Variants in DPP10 observed in about 807,000 individuals in gnomAD.
DPP10 encodes dipeptidyl peptidase like 10, also known as inactive dipeptidyl peptidase 10.
A neutral mutation model predicts 120.9 loss-of-function variants in DPP10; 33 were observed. The observed-to-expected ratio is 0.27, with a 90% CI of 0.21 to 0.37. DPP10 has a LOEUF of 0.37. Ranked by LOEUF, DPP10 falls within the 10% of genes least tolerant of loss-of-function variation. DPP10 has a pLI of 1.00. For missense variants in DPP10, 816 were observed against 942.8 expected (o/e 0.87, Z 1.76); for synonymous variants, 337 against 326.1 (o/e 1.03, Z -0.36).
At chr2:115,365,383 T>G (rs1487048707) in intron 3 of DPP10, among the ~76,000 whole-genome samples, 2 of 151,974 alleles carry the variant, frequency 1.3e-5, no homozygotes, top group African/African-American at 4.8e-5. Context: ...TTAGGTGGGC[T>G]TCTTAGAGCC....
At chr2:114,656,133 C>T (rs780883608) in intron 1 of DPP10, among the ~76,000 whole-genome samples, 1 of 152,050 alleles carries the variant, frequency 6.6e-6, no homozygotes, top group African/African-American at 2.4e-5. Flanking sequence ...TAATTTTTAG[C>T]AATTATTCTT....
intron 3 of DPP10, among the ~76,000 whole-genome samples, chr2:115,397,613 A>G (rs929711356): frequency 2.6e-5 from 4 of 152,208 alleles, no homozygotes; most frequent in Non-Finnish European, 5.9e-5. Context: ...CTTACTAAAT[A>G]CAAGTTGTAC....
intron 4 of DPP10, among the ~76,000 whole-genome samples, chr2:115,507,017 TACACACACACGCACGCGCACACACAC>T (rs1437256577): frequency 6.9e-6 from 1 of 144,506 alleles, no homozygotes; most frequent in Admixed American, 7.1e-5. Flanking sequence ...TTGGCTGCAT[TACACACACACGCACGCGCACACACAC>T]ACACACACAC....
intron 1 of DPP10, among the ~76,000 whole-genome samples, chr2:115,225,654 GAATA>G (rs2057399434): frequency 6.6e-6 from 1 of 151,890 alleles, no homozygotes; most frequent in Admixed American, 6.6e-5. Flanking sequence ...ATACATGAAT[GAATA>G]GAGATGAACA....
chr2:115,523,282 G>A lies in DPP10; in HGVS notation c.367-2616G>A, dbSNP rs186165326. Among the ~76,000 whole-genome samples, 158 of 151,030 alleles carry A rather than the reference G, an allele frequency of 1.0e-3. 1 individual carries two copies. Among genetic ancestry groups the A allele is most frequent in the African/African-American group, 3.5e-3 (145 of 41,098 alleles). On this transcript the variant is annotated intron_variant, in intron 4 of 25. Transcript: ENST00000410059. Reference sequence around the variant, plus strand: ...AGACGTTGTTACCGGAGGCACAGACGCACCTGTGAAAGCGTGAAGTTAATT... The same window carrying A: ...AGACGTTGTTACCGGAGGCACAGACACACCTGTGAAAGCGTGAAGTTAATT...
intron 3 of DPP10, among the ~76,000 whole-genome samples, chr2:115,429,254 C>T (rs888497083): frequency 6.6e-6 from 1 of 151,450 alleles, no homozygotes; most frequent in African/African-American, 2.4e-5. Context: ...AAATTGTATA[C>T]GTGCATCTGC....
chr2:115,592,298 G>A (rs538232181), intron 5 of DPP10, among the ~76,000 whole-genome samples: 1 of 152,284 alleles, frequency 6.6e-6, no homozygotes, highest in African/African-American at 2.4e-5. Context: ...AGAGAGAAAG[G>A]AAGAGGCTTG....
At chr2:115,293,543 C>CT (rs1238695637) in intron 1 of DPP10, among the ~76,000 whole-genome samples, 2 of 152,014 alleles carry the variant, frequency 1.3e-5, no homozygotes, top group Non-Finnish European at 2.9e-5. Flanking sequence ...GCAGTGCTTT[C>CT]TTTTTTTCAC....
chr2:115,397,688 A>G (rs1248067166), intron 3 of DPP10, among the ~76,000 whole-genome samples: 1 of 152,142 alleles, frequency 6.6e-6, no homozygotes, highest in Non-Finnish European at 1.5e-5. Context: ...TTCAGCTTCC[A>G]CTTTAGTTTC....
chr2:115,512,822 C>T (rs1231231197), intron 4 of DPP10, among the ~76,000 whole-genome samples: 1 of 151,940 alleles, frequency 6.6e-6, no homozygotes, highest in Non-Finnish European at 1.5e-5. Context: ...TATGATCTCA[C>T]CTAGAAAATA....
At chr2:114,979,281 T>G (rs1225000501) in intron 1 of DPP10, among the ~76,000 whole-genome samples, 1 of 152,006 alleles carries the variant, frequency 6.6e-6, no homozygotes, top group East Asian at 1.9e-4. Context: ...TAAAAAAATT[T>G]AATTAAAATA....
intron 1 of DPP10, among the ~76,000 whole-genome samples, chr2:114,733,505 A>G (rs1025411532): frequency 6.6e-6 from 1 of 152,206 alleles, no homozygotes; most frequent in Non-Finnish European, 1.5e-5. Flanking sequence ...TAATAATATC[A>G]AGTAAGAACA....
At chr2:114,993,457 C>T (rs1700868241) in intron 1 of DPP10, among the ~76,000 whole-genome samples, 2 of 150,974 alleles carry the variant, frequency 1.3e-5, no homozygotes, top group African/African-American at 2.4e-5. Context: ...CACCTATTTA[C>T]AAAACCTTAT....
rs2055492848 is a variant in DPP10 at position 115,199,012 on chromosome 2, T to TA, written c.61-110221dup. 3.9e-5 allele frequency among the ~76,000 whole-genome samples: 6 copies of TA among 152,202 alleles called. No homozygotes were observed. The South Asian group carries it at 1.2e-3, about 32-fold the overall frequency. On this transcript the variant is annotated intron_variant, in intron 1 of 25. Transcript: ENST00000410059. ...CATCTCCAAACATTTGCAATCCTTA[T>TA]AAAAAACATGGTAGAGGCTAATCAT...
intron 1 of DPP10, among the ~76,000 whole-genome samples, chr2:115,089,516 T>C (rs1221838521): frequency 1.3e-5 from 2 of 152,176 alleles, no homozygotes; most frequent in Non-Finnish European, 2.9e-5. Context: ...TATCACACTT[T>C]GGAAAAAGAT....
At chr2:114,853,665 G>A (rs1689147895) in intron 1 of DPP10, among the ~76,000 whole-genome samples, 1 of 152,148 alleles carries the variant, frequency 6.6e-6, no homozygotes, top group Admixed American at 6.5e-5. Flanking sequence ...GAGAAATGAT[G>A]AAGTGCAACT....
intron 3 of DPP10, among the ~76,000 whole-genome samples, chr2:115,421,043 A>G (rs1219864997): frequency 6.6e-6 from 1 of 151,844 alleles, no homozygotes; most frequent in Non-Finnish European, 1.5e-5. Flanking sequence ...TGCAGCCTCT[A>G]TTCCAGAAGG....
At chr2:115,580,629 C>CT (rs1558878630) in intron 5 of DPP10, among the ~76,000 whole-genome samples, 1 of 152,124 alleles carries the variant, frequency 6.6e-6, no homozygotes, top group African/African-American at 2.4e-5. Flanking sequence ...ATCTGCTGTT[C>CT]TATCTACTGG....
At chr2:115,547,907 A>C (rs561576668) in intron 5 of DPP10, among the ~76,000 whole-genome samples, 2 of 152,308 alleles carry the variant, frequency 1.3e-5, no homozygotes, top group African/African-American at 4.8e-5. Context: ...AAGTTAGATC[A>C]AAATCGATTT....
Sources: gnomAD v4.1 joint callset for allele counts (sites outside exome capture counted in the v4.1 genomes callset) on GRCh38, gnomAD v4.1.1 for gene constraint, MANE v1.5 for transcripts, NCBI Gene and HGNC (gene_info 2026-07-23, HGNC 2026-07-21) for gene names.